BAIAP2L1: variants seen among roughly 807,000 people sequenced by gnomAD.
BAIAP2L1 encodes the protein BAR/IMD domain containing adaptor protein 2 like 1.
BAIAP2L1 carries 35 observed loss-of-function variants against 66.3 expected under a neutral mutation model. The observed-to-expected ratio is 0.53, with a 90% CI of 0.40 to 0.70. The LOEUF (loss-of-function observed/expected upper bound fraction) is 0.70. Among genes scored for constraint, BAIAP2L1 ranks in the 30% least tolerant of loss-of-function variants. The probability of loss-of-function intolerance (pLI) is 0.00; values close to 1 mark genes in which losing one functional copy is unlikely to be tolerated. For synonymous variants in BAIAP2L1, 269 were observed against 248.7 expected (o/e 1.08, Z -0.77); for missense variants, 622 against 656.9 (o/e 0.95, Z 0.58).
intron 1 of BAIAP2L1, among the ~76,000 whole-genome samples, chr7:98,379,735 C>A (rs1006979736): frequency 5.9e-5 from 9 of 152,100 alleles, no homozygotes; most frequent in Non-Finnish European, 1.2e-4. Context: ...TATTATTCAG[C>A]CATAGAAAAG....
intron 3 of BAIAP2L1, among the ~76,000 whole-genome samples, chr7:98,348,412 C>T (rs1801923153): frequency 6.6e-6 from 1 of 151,614 alleles, no homozygotes; most frequent in Non-Finnish European, 1.5e-5. Context: ...ACTAAAAATA[C>T]AAAACTTAGC....
intron 1 of BAIAP2L1, among the ~76,000 whole-genome samples, chr7:98,384,025 G>A (rs773004234): frequency 4.6e-5 from 7 of 151,926 alleles, no homozygotes; most frequent in East Asian, 1.9e-4. Flanking sequence ...GTGGTGGCAC[G>A]TGCCTGTAAT....
chr7:98,400,656 G>T, intron 1 of BAIAP2L1, 146 bp downstream of exon 1: 1 of 903,434 alleles, frequency 1.1e-6, no homozygotes, highest in East Asian at 2.8e-5. Context: ...TGGAGGGCCA[G>T]GGGAGGAGTG....
At position 98,341,526 on chromosome 7, in the gene BAIAP2L1, A is replaced by T. The variant is rs192564441; in HGVS notation, c.214+13516T>A. 1.6e-3 allele frequency among the ~76,000 whole-genome samples: 241 copies of T among 152,204 alleles called. 1 individual carries two copies. The highest frequency in any genetic ancestry group is 5.2e-3 in the African/African-American group (217 of 41,538). Reference sequence around the variant, plus strand: ...AGAAAGACCCCCATCTCTAAAAAAAATTTTTTATTTTTTAAAAAAGCACAT... The same window carrying T: ...AGAAAGACCCCCATCTCTAAAAAAATTTTTTTATTTTTTAAAAAAGCACAT... On this transcript the variant is annotated intron_variant, in intron 3 of 13. Coordinates refer to ENST00000005260, the MANE Select transcript of BAIAP2L1 (RefSeq NM_018842.5).
chr7:98,303,694 G>A (rs1299273044), intron 12 of BAIAP2L1, among the ~76,000 whole-genome samples: 2 of 152,162 alleles, frequency 1.3e-5, no homozygotes, highest in Non-Finnish European at 2.9e-5. Flanking sequence ...GGCCCCCAGA[G>A]GCACGTTAGG....
At chr7:98,317,963 C>T (rs911588318) in intron 5 of BAIAP2L1, among the ~76,000 whole-genome samples, 3 of 151,056 alleles carry the variant, frequency 2.0e-5, no homozygotes, top group South Asian at 2.1e-4. Context: ...ACTCATTTCA[C>T]ACCATCCTTA....
chr7:98,393,014 T>C (rs965149171), intron 1 of BAIAP2L1, among the ~76,000 whole-genome samples: 1 of 144,004 alleles, frequency 6.9e-6, no homozygotes, highest in Non-Finnish European at 1.5e-5. Flanking sequence ...TTTGTGTATA[T>C]ATATACATAC....
At chr7:98,375,310 C>T (rs1802595881) in intron 1 of BAIAP2L1, among the ~76,000 whole-genome samples, 1 of 151,700 alleles carries the variant, frequency 6.6e-6, no homozygotes, top group Non-Finnish European at 1.5e-5. Context: ...AGGAAAATCA[C>T]TTGAACCTGG....
chr7:98,328,327 G>A (rs535040632), intron 3 of BAIAP2L1, among the ~76,000 whole-genome samples: 8 of 152,212 alleles, frequency 5.3e-5, no homozygotes, highest in South Asian at 2.1e-4. Flanking sequence ...ACACGAAGAC[G>A]GGGCAAAGGT....
intron 1 of BAIAP2L1, chr7:98,400,056 T>G (rs779714018): frequency 4.0e-5 from 6 of 151,814 alleles, no homozygotes; most frequent in Middle Eastern, 3.4e-3. Flanking sequence ...AACTCGAGCT[T>G]GTGTCTTTGG....
intron 1 of BAIAP2L1, among the ~76,000 whole-genome samples, chr7:98,393,752 T>C (rs1225891259): frequency 6.8e-6 from 1 of 148,076 alleles, no homozygotes; most frequent in East Asian, 2.2e-4. Flanking sequence ...CCCAAAGTGC[T>C]GGGATTACAG....
rs34202570 is a variant in BAIAP2L1, at chr7:98,331,465, C to CTTT, written c.215-11170_215-11168dup. Among the ~76,000 whole-genome samples, 794 of 115,604 alleles carry CTTT rather than the reference C, an allele frequency of 6.9e-3. 12 individuals carry two copies. The highest frequency in any genetic ancestry group is 8.6e-3 in the Non-Finnish European group (512 of 59,460). 75.8% of individuals were successfully genotyped at this position (115,604 alleles called of 152,430 possible). ...ACTGTAGACTAGCAAAAAGAAAAAT[C>CTTT]TTTTTTTTTTTTTTTTTTTGGAGAC... On this transcript the variant is annotated intron_variant, in intron 3 of 13. Transcript: ENST00000005260.
At chr7:98,311,312 G>C (rs531707112) in intron 8 of BAIAP2L1, among the ~76,000 whole-genome samples, 1 of 152,148 alleles carries the variant, frequency 6.6e-6, no homozygotes, top group South Asian at 2.1e-4. Flanking sequence ...GGGAGGCCGA[G>C]GTGGGCGGAT....
At chr7:98,351,895 G>A (rs1246563786) in intron 3 of BAIAP2L1, among the ~76,000 whole-genome samples, 3 of 152,144 alleles carry the variant, frequency 2.0e-5, no homozygotes, top group South Asian at 2.1e-4. Flanking sequence ...GCCGACCCTC[G>A]AGGCGCACAG....
chr7:98,296,096 C>G (rs1800178543), intron 12 of BAIAP2L1, among the ~76,000 whole-genome samples: 1 of 152,142 alleles, frequency 6.6e-6, no homozygotes, highest in African/African-American at 2.4e-5. Flanking sequence ...AGCTTCTGTG[C>G]AGACAGCAGG....
chr7:98,349,001 C>T (rs1405168713), intron 3 of BAIAP2L1, among the ~76,000 whole-genome samples: 2 of 152,212 alleles, frequency 1.3e-5, no homozygotes, highest in African/African-American at 4.8e-5. Flanking sequence ...CTCGCCTGGG[C>T]GGGGTGAGCT....
At chr7:98,315,298 T>TA (rs1801031707) in intron 7 of BAIAP2L1, among the ~76,000 whole-genome samples, 162 bp downstream of exon 7, 1 of 152,094 alleles carries the variant, frequency 6.6e-6, no homozygotes, top group African/African-American at 2.4e-5. Flanking sequence ...GTTTTTTTTT[T>TA]ATTATTTTTT....
intron 3 of BAIAP2L1, among the ~76,000 whole-genome samples, chr7:98,354,097 A>G (rs1353080518): frequency 1.3e-5 from 2 of 152,120 alleles, no homozygotes; most frequent in Admixed American, 6.6e-5. Context: ...CCGTGTGCCT[A>G]TGGCTTTATA....
At chr7:98,370,539 C>T (rs1450447903) in intron 1 of BAIAP2L1, among the ~76,000 whole-genome samples, 5 of 151,916 alleles carry the variant, frequency 3.3e-5, no homozygotes, top group Non-Finnish European at 4.4e-5. Context: ...GAGTCTCGCA[C>T]TGTCGCCCAG....
Sources: gnomAD v4.1 joint callset for allele counts (sites outside exome capture counted in the v4.1 genomes callset) on GRCh38, gnomAD v4.1.1 for gene constraint, MANE v1.5 for transcripts, NCBI Gene and HGNC (gene_info 2026-07-23, HGNC 2026-07-21) for gene names.